Variants in ALK observed in about 807,000 individuals in gnomAD.
ALK encodes ALK receptor tyrosine kinase, also known as ALK tyrosine kinase receptor.
Under a neutral mutation model 163.1 loss-of-function variants are expected in ALK, and 74 were observed. The ratio of observed to expected loss-of-function variants is 0.45; its 90% confidence interval spans 0.38 to 0.55. ALK has a LOEUF of 0.55. ALK is among the 20% of genes least tolerant of loss of function. The pLI is 0.00. For synonymous variants in ALK, 960 were observed against 843.2 expected (o/e 1.14, Z -2.40); for missense variants, 2,063 against 2,105.3 (o/e 0.98, Z 0.39).
chr2:29,876,175 A>G (rs530748783), intron 1 of ALK, among the ~76,000 whole-genome samples: 7 of 152,364 alleles, frequency 4.6e-5, no homozygotes, highest in African/African-American at 1.2e-4. Flanking sequence ...AATGGGGATA[A>G]TACTCTCAAC....
At chr2:29,577,023 C>A (rs1383429063) in intron 3 of ALK, among the ~76,000 whole-genome samples, 1 of 151,922 alleles carries the variant, frequency 6.6e-6, no homozygotes, top group Non-Finnish European at 1.5e-5. Context: ...ATCCTGAAAC[C>A]ACTCTGCACC....
At chr2:29,366,937 G>C (rs572847372) in intron 5 of ALK, among the ~76,000 whole-genome samples, 30 of 152,234 alleles carry the variant, frequency 2.0e-4, no homozygotes, top group African/African-American at 7.2e-4. Context: ...GCTCCTGAAG[G>C]TCCTTTCCAA....
At chr2:29,439,500 T>G (rs186615179) in intron 4 of ALK, among the ~76,000 whole-genome samples, 19 of 152,116 alleles carry the variant, frequency 1.2e-4, no homozygotes, top group African/African-American at 4.6e-4. Flanking sequence ...GACAGACAGA[T>G]AGAGAATAGA....
At chr2:29,829,105 A>G (rs1301288928) in intron 1 of ALK, among the ~76,000 whole-genome samples, 4 of 145,796 alleles carry the variant, frequency 2.7e-5, no homozygotes, top group African/African-American at 1.0e-4. Context: ...CATAGGTGGA[A>G]ATTGAACAAT....
intron 5 of ALK, among the ~76,000 whole-genome samples, chr2:29,375,569 G>A (rs915842314): frequency 1.2e-4 from 18 of 152,008 alleles, no homozygotes; most frequent in African/African-American, 4.4e-4. Flanking sequence ...TGCCCGCCTC[G>A]GCCTCCCAAA....
chr2:29,813,468 G>C (rs1280048516), intron 1 of ALK, among the ~76,000 whole-genome samples: 17 of 152,134 alleles, frequency 1.1e-4, no homozygotes, highest in Admixed American at 1.1e-3. Context: ...GGAAATAACT[G>C]TGTTGAGGGC....
rs532999886 is a variant in ALK at position 29,337,667 on chromosome 2, G to A, written c.1283-9186C>T. 3.9e-5 allele frequency among the ~76,000 whole-genome samples: 6 copies of A among 152,208 alleles called. No individual in the cohort carries two copies. In the South Asian group the frequency reaches 1.2e-3, roughly 32 times the overall value. On this transcript the variant is annotated intron_variant, in intron 5 of 28. Transcript: ENST00000389048. Reference sequence around the variant, plus strand: ...TGAGAACCTCTGGTGCCTGAGAAATGGATCTTTAGTTCCTTCTCCTCGCAG... The same window carrying A: ...TGAGAACCTCTGGTGCCTGAGAAATAGATCTTTAGTTCCTTCTCCTCGCAG...
At chr2:29,313,718 G>A (rs1269484757) in intron 8 of ALK, among the ~76,000 whole-genome samples, 1 of 152,134 alleles carries the variant, frequency 6.6e-6, no homozygotes, top group Non-Finnish European at 1.5e-5. Flanking sequence ...TGGGGAGCCC[G>A]TGATGCATAG....
In ALK at chr2:29,246,934, C is replaced by G. The variant is rs1039906563; in HGVS notation, c.2204+4171G>C. On this transcript the variant is annotated intron_variant, in intron 12 of 28. Coordinates refer to ENST00000389048, the MANE Select transcript of ALK (RefSeq NM_004304.5). The surrounding 1 kb of genome is among the most constrained non-coding windows in gnomAD (Gnocchi z 4.3). ...GCCCCAGGACCTGGCCCTGCTGCCT[C>G]CAGCCTCGGCTCCCCGAGGCCAGCC... Among the ~76,000 whole-genome samples the G allele has an allele frequency of 6.6e-6, 1 of 152,344 alleles. No individual in the cohort carries two copies. The highest frequency in any genetic ancestry group is 1.9e-4 in the East Asian group (1 of 5,176).
rs182815142 is a variant in ALK at position 29,706,303 on chromosome 2, G to A, written c.787+11275C>T. ...GCCCAGGCTCCGATGATTAGGGACT[G>A]TGGCTCCCCCTTTCTGGATTATCTC... On this transcript the variant is annotated intron_variant, in intron 2 of 28. Transcript: ENST00000389048. 6.6e-5 allele frequency among the ~76,000 whole-genome samples: 10 copies of A among 152,362 alleles called. No individual in the cohort carries two copies. The East Asian group carries it at 1.9e-3, about 29-fold the overall frequency.
rs576591252 is a variant in ALK at position 29,310,981 on chromosome 2, A to C, written c.1647+7323T>G. On this transcript the variant is annotated intron_variant, in intron 8 of 28. Transcript: ENST00000389048. Reference sequence around the variant, plus strand: ...ACTCATGTAGAGAGCCTTTGGAAAAAGCCATTTGGAAAATGCCTCGAGAAC... The same window carrying C: ...ACTCATGTAGAGAGCCTTTGGAAAACGCCATTTGGAAAATGCCTCGAGAAC... Among the ~76,000 whole-genome samples, 5 of 152,346 alleles carry C rather than the reference A, an allele frequency of 3.3e-5. No homozygotes were observed. The East Asian group carries it at 7.7e-4, about 23-fold the overall frequency.
intron 3 of ALK, among the ~76,000 whole-genome samples, chr2:29,589,140 G>A (rs982751478): frequency 6.6e-6 from 1 of 152,166 alleles, no homozygotes; most frequent in African/African-American, 2.4e-5. Context: ...TGTATCATAA[G>A]TAATTTGCTA....
rs780486810 is a variant in ALK, at chr2:29,882,515, G to A, written c.667+37478C>T. Among the ~76,000 whole-genome samples the A allele has an allele frequency of 7.2e-5, 11 of 152,260 alleles. No individual in the cohort carries two copies. The South Asian group carries it at 1.0e-3, about 14-fold the overall frequency. ...TCAAGACCAGCCTGGCCAACATGGT[G>A]AAACCCCGTCTCTAATAAAAATACA... On this transcript the variant is annotated intron_variant, in intron 1 of 28. Transcript: ENST00000389048.
chr2:29,380,028 T>A (rs1573299624), intron 5 of ALK, among the ~76,000 whole-genome samples: 1 of 151,208 alleles, frequency 6.6e-6, no homozygotes. Flanking sequence ...GCAATCATGG[T>A]AGAAGGCAAA....
At chr2:29,486,893 T>G (rs748249454) in intron 4 of ALK, among the ~76,000 whole-genome samples, 1 of 152,236 alleles carries the variant, frequency 6.6e-6, no homozygotes, top group Non-Finnish European at 1.5e-5. Context: ...CTTAATTTAA[T>G]TTTAATTTAA....
At chr2:29,744,047 C>T (rs551577549) in intron 1 of ALK, among the ~76,000 whole-genome samples, 2 of 151,996 alleles carry the variant, frequency 1.3e-5, no homozygotes, top group South Asian at 4.2e-4. Flanking sequence ...GCATGCAAAA[C>T]TTAGGCCTAC....
At chr2:29,665,686 C>T (rs771819307) in intron 3 of ALK, among the ~76,000 whole-genome samples, 2 of 152,002 alleles carry the variant, frequency 1.3e-5, no homozygotes, top group Non-Finnish European at 2.9e-5. Flanking sequence ...GAACATTACA[C>T]CCACTTCATC....
chr2:29,786,050 C>G (rs1397075774), intron 1 of ALK, among the ~76,000 whole-genome samples: 1 of 152,124 alleles, frequency 6.6e-6, no homozygotes, highest in African/African-American at 2.4e-5. Context: ...ATTGTCATTT[C>G]CATTTTCGCC....
At chr2:29,414,060 C>T (rs955712145) in intron 4 of ALK, among the ~76,000 whole-genome samples, 8 of 152,314 alleles carry the variant, frequency 5.3e-5, no homozygotes, top group African/African-American at 1.9e-4. Context: ...TTTACACCAG[C>T]ATCATCACAT....
Sources: allele counts gnomAD v4.1 joint callset (sites outside exome capture counted in the v4.1 genomes callset), GRCh38; gene constraint gnomAD v4.1.1; non-coding constraint Gnocchi (gnomAD v3.1); transcripts MANE v1.5; gene names NCBI Gene and HGNC (gene_info 2026-07-23, HGNC 2026-07-21).